CTNND2: variants seen among roughly 807,000 people sequenced by gnomAD.
The protein encoded by CTNND2 is catenin delta 2.
CTNND2 carries 22 observed loss-of-function variants against 144.4 expected under a neutral mutation model. The observed-to-expected ratio is 0.15, with a 90% CI of 0.11 to 0.22. CTNND2 has a LOEUF of 0.22. Among genes scored for constraint, CTNND2 ranks in the 10% least tolerant of loss-of-function variants. The pLI is 1.00. For missense variants in CTNND2, 1,353 were observed against 1,618.8 expected (o/e 0.84, Z 2.82); for synonymous variants, 751 against 695.6 (o/e 1.08, Z -1.25).
intron 1 of CTNND2, 133 bp from the exon 2 acceptor site, chr5:11,732,405 T>A: frequency 1.3e-6 from 1 of 749,082 alleles, no homozygotes; most frequent in Non-Finnish European, 2.1e-6. Flanking sequence ...AAGACATAAT[T>A]ATAGAACGGG....
intron 16 of CTNND2, among the ~76,000 whole-genome samples, chr5:11,047,066 T>C (rs1745337012): frequency 6.6e-6 from 1 of 152,218 alleles, no homozygotes. Context: ...CAGAGCCTCC[T>C]CATGAATTTC....
chr5:11,588,701 CA>C, intron 2 of CTNND2: 15 of 948,986 alleles, frequency 1.6e-5, no homozygotes, highest in Non-Finnish European at 1.9e-5. Context: ...ATTGAAAAAC[CA>C]AACGCGGTTA....
intron 2 of CTNND2, among the ~76,000 whole-genome samples, chr5:11,687,146 C>A (rs184269614): frequency 6.6e-6 from 1 of 152,250 alleles, no homozygotes; most frequent in African/African-American, 2.4e-5. Context: ...AACTGGCTTC[C>A]CAAACATACT....
chr5:11,884,305 T>C (rs980755821), intron 1 of CTNND2, among the ~76,000 whole-genome samples: 3 of 152,170 alleles, frequency 2.0e-5, no homozygotes, highest in Admixed American at 6.5e-5. Context: ...TTTTTATGGT[T>C]TTAGGTCCTA....
rs182585991 is a variant in CTNND2, at chr5:11,431,116, G to A, written c.288-19047C>T. 8.5e-5 allele frequency among the ~76,000 whole-genome samples: 13 copies of A among 152,292 alleles called. No homozygotes were observed. In the East Asian group the frequency reaches 2.5e-3, roughly 29 times the overall value. On this transcript the variant is annotated intron_variant, in intron 3 of 21. Transcript: ENST00000304623. ...TTCTTTACTGAGGTTATATCATTTA[G>A]TAGAGGATTTTTATGGACTTTCTTC...
At chr5:11,733,114 A>G (rs1455588877) in intron 1 of CTNND2, among the ~76,000 whole-genome samples, 1 of 152,130 alleles carries the variant, frequency 6.6e-6, no homozygotes, top group Non-Finnish European at 1.5e-5. Flanking sequence ...ATAAACGTGT[A>G]TACATATGTG....
At chr5:11,465,784 G>GT (rs1031005261) in intron 3 of CTNND2, among the ~76,000 whole-genome samples, 1 of 152,186 alleles carries the variant, frequency 6.6e-6, no homozygotes, top group Non-Finnish European at 1.5e-5. Context: ...TCCATCTGGA[G>GT]TTTGCTATTA....
intron 14 of CTNND2, among the ~76,000 whole-genome samples, chr5:11,100,927 TAAATGGTTAAGTCCGTAGA>T (rs1382271807): frequency 6.6e-6 from 1 of 152,200 alleles, no homozygotes. Context: ...TAAAGCAGGA[TAAATGGTTAAGTCCGTAGA>T]AAATTTTCCT....
chr5:11,488,222 C>T (rs751961176), intron 3 of CTNND2, among the ~76,000 whole-genome samples: 11 of 151,988 alleles, frequency 7.2e-5, no homozygotes, highest in African/African-American at 2.2e-4. Context: ...TTTTTTATAA[C>T]GTTTATAGTT....
intron 19 of CTNND2, among the ~76,000 whole-genome samples, chr5:10,990,454 C>T (rs915173221): frequency 6.6e-6 from 1 of 152,174 alleles, no homozygotes; most frequent in African/African-American, 2.4e-5. Flanking sequence ...ACCTGCTGCC[C>T]CCTTCTCTTT....
chr5:11,481,223 C>T (rs249265), intron 3 of CTNND2, among the ~76,000 whole-genome samples: 92,370 of 151,842 alleles, frequency 0.61, 29,409 homozygotes, highest in African/African-American at 0.79. Context: ...AAATTTGATA[C>T]CTTGCTCCTC....
chr5:11,038,462 C>G lies in CTNND2; in HGVS notation c.2789-15483G>C, dbSNP rs184910171. ...CACTTTCATCCTGAAACCATCTTCC[C>G]CACCGACCTCAGTCCATGGAAAAAT... On this transcript the variant is annotated intron_variant, in intron 16 of 21. Coordinates refer to ENST00000304623, the MANE Select transcript of CTNND2 (RefSeq NM_001332.4). Among the ~76,000 whole-genome samples, 477 of 152,288 alleles carry G rather than the reference C, an allele frequency of 3.1e-3. 1 individual carries two copies. Among genetic ancestry groups the G allele is most frequent in the Admixed American group, 4.6e-3 (71 of 15,288 alleles).
intron 18 of CTNND2, among the ~76,000 whole-genome samples, chr5:11,016,777 ATT>A (rs997950998): frequency 6.8e-6 from 1 of 147,382 alleles, no homozygotes; most frequent in Non-Finnish European, 1.5e-5. Flanking sequence ...TCCCCTATAT[ATT>A]TTTTTTTTTG....
chr5:11,686,177 G>T (rs1366853361), intron 2 of CTNND2, among the ~76,000 whole-genome samples: 2 of 151,512 alleles, frequency 1.3e-5, no homozygotes, highest in African/African-American at 2.4e-5. Flanking sequence ...CTGCATACCA[G>T]CCTGGGTGAC....
intron 1 of CTNND2, among the ~76,000 whole-genome samples, chr5:11,837,755 G>GT (rs1372878044): frequency 6.6e-6 from 1 of 152,016 alleles, no homozygotes; most frequent in Non-Finnish European, 1.5e-5. Flanking sequence ...AAAAACAAAG[G>GT]TTTTTTTCTG....
At chr5:11,436,274 G>A (rs574972217) in intron 3 of CTNND2, among the ~76,000 whole-genome samples, 5 of 152,196 alleles carry the variant, frequency 3.3e-5, no homozygotes, top group Non-Finnish European at 7.4e-5. Context: ...TTTTATACCT[G>A]AAGAGAGAGA....
intron 3 of CTNND2, among the ~76,000 whole-genome samples, chr5:11,457,632 T>TAAATTATCAGTAGTGCA (rs1765850588): frequency 1.3e-5 from 2 of 152,144 alleles, no homozygotes; most frequent in South Asian, 4.1e-4. Flanking sequence ...GAAATGGAGA[T>TAAATTATCAGTAGTGCA]AAATTATCAG....
intron 12 of CTNND2, among the ~76,000 whole-genome samples, chr5:11,124,907 A>G (rs1315031862): frequency 2.6e-5 from 4 of 152,212 alleles, no homozygotes; most frequent in Non-Finnish European, 2.9e-5. Context: ...TCTCACCAAA[A>G]TAAGTGGTTT....
At chr5:11,496,985 T>G (rs1230857603) in intron 3 of CTNND2, among the ~76,000 whole-genome samples, 2 of 152,136 alleles carry the variant, frequency 1.3e-5, no homozygotes, top group Non-Finnish European at 2.9e-5. Flanking sequence ...GGCTAGGTAT[T>G]GTGCATCCAT....
Sources: allele counts gnomAD v4.1 joint callset (sites outside exome capture counted in the v4.1 genomes callset), GRCh38; gene constraint gnomAD v4.1.1; transcripts MANE v1.5; gene names NCBI Gene and HGNC (gene_info 2026-07-23, HGNC 2026-07-21).